PAX6: variants seen among roughly 807,000 people sequenced by gnomAD.
PAX6 encodes paired box protein Pax-6.
PAX6 carries 7 observed loss-of-function variants against 60.7 expected under a neutral mutation model. The observed-to-expected ratio is 0.12, with a 90% CI of 0.07 to 0.22. The LOEUF is 0.22. Among genes scored for constraint, PAX6 ranks in the 10% least tolerant of loss-of-function variants. PAX6 has a pLI of 1.00. For synonymous variants in PAX6, 208 were observed against 201.2 expected, an observed-to-expected ratio of 1.03 and a Z score of -0.29; for missense variants, 355 against 555.2, an observed-to-expected ratio of 0.64 and a Z score of 3.62.
Position 31,802,737 on chromosome 11 carries a change from C to G in PAX6, c.108G>C (p.Gly36=). The change falls in exon 5 of 14, where the codon GGG becomes GGC. Residue 36 remains glycine (G), a synonymous_variant. Coordinates refer to ENST00000640368, the MANE Select transcript of PAX6 (RefSeq NM_001368894.2). ...TTCGGGAAATGTCGCACGGCCGGGC[C>G]CCGCTGTGAGCTAGCTCTACAATCT... is the stretch of plus-strand genomic sequence containing the variant. The part of the protein sequence containing the change: ...RQKIVELAHS[G]ARPCDISRIL... 1 of 1,613,932 alleles carries G rather than the reference C, an allele frequency of 6.2e-7. No individual in the cohort carries two copies. The highest frequency in any genetic ancestry group is 8.5e-7 in the Non-Finnish European group (1 of 1,179,938).
At chr11:31,798,562 G>T (rs1289767000) in intron 8 of PAX6, among the ~76,000 whole-genome samples, 1 of 152,168 alleles carries the variant, frequency 6.6e-6, no homozygotes, top group East Asian at 1.9e-4. Context: ...CCCCACGCCG[G>T]CAACTCTGTG....
chr11:31,805,625 C>G (rs1299358771), intron 4 of PAX6: 3 of 152,656 alleles, frequency 2.0e-5, no homozygotes, highest in Admixed American at 6.5e-5. Flanking sequence ...AGCCCTGCCG[C>G]GTACCAGCAC....
chr11:31,794,950 G>A (rs1361742826), intron 8 of PAX6, among the ~76,000 whole-genome samples, 162 bp from the exon 9 acceptor site: 3 of 152,148 alleles, frequency 2.0e-5, no homozygotes, highest in African/African-American at 4.8e-5. Context: ...ATACATTTGC[G>A]ATGTTAGTTA....
chr11:31,815,531 G>T (rs1311928691), upstream of PAX6, among the ~76,000 whole-genome samples: 1 of 152,094 alleles, frequency 6.6e-6, no homozygotes, highest in Admixed American at 6.6e-5. Context: ...TGGGGAGGGG[G>T]AGGGAGCAAA....
intron 8 of PAX6, among the ~76,000 whole-genome samples, chr11:31,799,761 G>C (rs959968820): frequency 2.0e-5 from 3 of 152,124 alleles, no homozygotes; most frequent in Admixed American, 1.3e-4. Flanking sequence ...GCCGCCCCTG[G>C]CCCCGAGCCC....
At chr11:31,793,154 C>T in intron 12 of PAX6, 1 of 622,000 alleles carries the variant, frequency 1.6e-6, no homozygotes, top group Non-Finnish European at 2.9e-6. Flanking sequence ...CCAAAACATG[C>T]CCCACCACCA....
At chr11:31,802,986 G>C in intron 4 of PAX6, 152 bp from the exon 5 acceptor site, 48 of 756,744 alleles carry the variant, frequency 6.3e-5, no homozygotes, top group East Asian at 8.3e-5. Context: ...AGGAGGAGGA[G>C]ACAACCACAA....
rs759789528 is a variant in PAX6 at position 31,794,791 on chromosome 11, G to A, written c.566-3C>T. The A allele has an allele frequency of 6.8e-6, 11 of 1,613,938 alleles. No homozygotes were observed. In the East Asian group the frequency reaches 2.5e-4, roughly 36 times the overall value. On this transcript the variant is annotated splice_polypyrimidine_tract_variant and splice_region_variant and intron_variant, in intron 8 of 13. Coordinates refer to ENST00000640368, the MANE Select transcript of PAX6 (RefSeq NM_001368894.2). The stretch of plus-strand genomic sequence containing the variant: ...TCCTTCCTGTTGCTGGCAGCCATCT[G>A]GAACAAAAAGAATAGGATGGTAAGA...
intron 4 of PAX6, chr11:31,805,978 T>G (rs1955670867): frequency 1.7e-5 from 3 of 179,052 alleles, no homozygotes; most frequent in Non-Finnish European, 3.5e-5. Flanking sequence ...CCCGCCGGGT[T>G]GGTGGAGACT....
rs536051472 is a variant in PAX6 at position 31,794,848 on chromosome 11, G to T, written c.566-60C>A. 4 of 1,529,382 alleles carry T rather than the reference G, an allele frequency of 2.6e-6. No individual in the cohort carries two copies. In the South Asian group the frequency reaches 3.4e-5, roughly 13 times the overall value. 94.7% of individuals were successfully genotyped at this position (1,529,382 alleles called of 1,614,324 possible). A position where few individuals can be genotyped will look rare whatever the true frequency, so the allele number is the denominator to read the frequency against. On this transcript the variant is annotated intron_variant, in intron 8 of 13. Transcript: ENST00000640368. ...TGGATTAACTTGGAGCCTCCAAAAGGGGCCTGGTGTAGTCTTAAACTCCAA... is the reference window on the plus strand; with the variant it reads ...TGGATTAACTTGGAGCCTCCAAAAGTGGCCTGGTGTAGTCTTAAACTCCAA...
chr11:31,812,017 C>G (rs888077172), upstream of PAX6: 12 of 152,672 alleles, frequency 7.9e-5, no homozygotes, highest in African/African-American at 2.9e-4. Flanking sequence ...CTCCTTTCTC[C>G]TTTCGGAAGC....
chr11:31,795,698 G>C (rs1951258286), intron 8 of PAX6, among the ~76,000 whole-genome samples: 1 of 152,246 alleles, frequency 6.6e-6, no homozygotes, highest in African/African-American at 2.4e-5. Context: ...ATTATACAGG[G>C]GGAAAGTTTT....
intron 8 of PAX6, among the ~76,000 whole-genome samples, chr11:31,795,238 C>T (rs1489457257): frequency 1.3e-5 from 2 of 152,174 alleles, no homozygotes; most frequent in Non-Finnish European, 2.9e-5. Context: ...GTAGAAAATG[C>T]TATTAAGAAA....
chr11:31,789,932 T>TTA lies in PAX6; in HGVS notation c.*1_*2insTA. On this transcript the variant is annotated 3_prime_UTR_variant, in exon 14 of 14. Coordinates refer to ENST00000640368, the MANE Select transcript of PAX6 (RefSeq NM_001368894.2). Reference sequence around the variant, plus strand: ...CTTTCCTTTTTTTTTTTTTTTTTTTTTTTACTGTAATCTTGGCCAGTATTG... The same window carrying TTA: ...CTTTCCTTTTTTTTTTTTTTTTTTTTTATTTACTGTAATCTTGGCCAGTATTG... 1 of 1,560,398 alleles carries TTA rather than the reference T, an allele frequency of 6.4e-7. No homozygotes were observed. Among genetic ancestry groups the TTA allele is most frequent in the Admixed American group, 1.8e-5 (1 of 54,672 alleles).
At chr11:31,802,917 G>C (rs904536926) in intron 4 of PAX6, 83 bp from the exon 5 acceptor site, 12 of 1,318,806 alleles carry the variant, frequency 9.1e-6, no homozygotes, top group Non-Finnish European at 1.3e-5. Context: ...AGAAGGAAGA[G>C]GAAGATGAGG....
intron 8 of PAX6, among the ~76,000 whole-genome samples, chr11:31,799,214 C>T (rs774532971): frequency 1.3e-5 from 2 of 152,166 alleles, no homozygotes; most frequent in African/African-American, 2.4e-5. Flanking sequence ...TGGGGTCAAT[C>T]GCTAGTCTCA....
intron 8 of PAX6, among the ~76,000 whole-genome samples, chr11:31,797,603 G>A (rs1001551882): frequency 3.3e-5 from 5 of 152,084 alleles, no homozygotes; most frequent in African/African-American, 7.2e-5. Context: ...TACCCCGCGG[G>A]GAGAGCGGCA....
chr11:31,793,872 G>C (rs1158253616), intron 10 of PAX6, 70 bp from the exon 11 acceptor site: 3 of 1,559,412 alleles, frequency 1.9e-6, no homozygotes, highest in Admixed American at 3.3e-5. Flanking sequence ...CACCTCCACT[G>C]CTGCCCTCCC....
intron 4 of PAX6, chr11:31,805,585 C>T (rs977185187): frequency 1.3e-5 from 2 of 152,696 alleles, no homozygotes; most frequent in Non-Finnish European, 2.9e-5. Flanking sequence ...TTCGCTGGGC[C>T]TCCAGGCTCC....
Sources: allele counts gnomAD v4.1 joint callset (sites outside exome capture counted in the v4.1 genomes callset), GRCh38; gene constraint gnomAD v4.1.1; transcripts MANE v1.5; gene names NCBI Gene and HGNC (gene_info 2026-07-23, HGNC 2026-07-21).